NRXN3: variants seen among roughly 807,000 people sequenced by gnomAD.
NRXN3 encodes the protein neurexin 3, also known as neurexin III.
Under a neutral mutation model 137.6 loss-of-function variants are expected in NRXN3, and 32 were observed. The ratio of observed to expected loss-of-function variants is 0.23; its 90% confidence interval spans 0.18 to 0.31. The LOEUF is 0.31. Ranked by LOEUF, NRXN3 falls within the 10% of genes least tolerant of loss-of-function variation. NRXN3 has a pLI of 1.00. For missense variants in NRXN3, 1,574 were observed against 2,062.5 expected (o/e 0.76, Z 4.59); for synonymous variants, 798 against 784.5 (o/e 1.02, Z -0.29).
At chr14:78,522,266 C>G (rs1247262908) in intron 4 of NRXN3, among the ~76,000 whole-genome samples, 1 of 152,100 alleles carries the variant, frequency 6.6e-6, no homozygotes, top group African/African-American at 2.4e-5. Context: ...GATGAGAAAA[C>G]TGAAAATCAA....
chr14:78,992,114 G>A (rs2099520167), intron 15 of NRXN3, among the ~76,000 whole-genome samples: 1 of 152,176 alleles, frequency 6.6e-6, no homozygotes, highest in Admixed American at 6.5e-5. Context: ...GTCTTACATA[G>A]TTTTAGATAT....
chr14:79,043,300 T>C (rs774076775), intron 15 of NRXN3, among the ~76,000 whole-genome samples: 2 of 152,170 alleles, frequency 1.3e-5, no homozygotes, highest in African/African-American at 2.4e-5. Flanking sequence ...CAAAAGTCTG[T>C]TTTAGATACT....
chr14:78,793,481 A>G (rs921655603), intron 8 of NRXN3, among the ~76,000 whole-genome samples: 2 of 152,152 alleles, frequency 1.3e-5, no homozygotes, highest in Admixed American at 6.5e-5. Context: ...TTACAGCAAA[A>G]GTTACAGAGT....
chr14:78,801,881 A>G (rs563233350), intron 8 of NRXN3, among the ~76,000 whole-genome samples: 1 of 152,170 alleles, frequency 6.6e-6, no homozygotes, highest in East Asian at 1.9e-4. Context: ...TCTGAATGTT[A>G]CTTGCTTTGT....
intron 15 of NRXN3, among the ~76,000 whole-genome samples, chr14:79,430,309 A>G (rs1013327724): frequency 6.6e-6 from 1 of 152,190 alleles, no homozygotes; most frequent in South Asian, 2.1e-4. Context: ...TCTGGAGTCT[A>G]TATCAGGTAC....
chr14:79,430,938 C>A (rs906165435), intron 15 of NRXN3, among the ~76,000 whole-genome samples: 3 of 152,106 alleles, frequency 2.0e-5, no homozygotes, highest in African/African-American at 7.2e-5. Context: ...CTTACAAACA[C>A]ATATTACCTT....
At chr14:79,498,345 T>C (rs566027861) in intron 16 of NRXN3, among the ~76,000 whole-genome samples, 1 of 152,256 alleles carries the variant, frequency 6.6e-6, no homozygotes, top group Non-Finnish European at 1.5e-5. Flanking sequence ...TATGAAATGA[T>C]CATTTCTTTC....
intron 15 of NRXN3, among the ~76,000 whole-genome samples, chr14:79,388,472 G>T (rs2153466561): frequency 6.6e-6 from 1 of 152,046 alleles, no homozygotes; most frequent in East Asian, 1.9e-4. Flanking sequence ...AGGCCCTTAT[G>T]GGACTCCTTC....
intron 15 of NRXN3, among the ~76,000 whole-genome samples, chr14:79,169,541 G>A (rs935140876): frequency 6.6e-6 from 1 of 151,732 alleles, no homozygotes; most frequent in Non-Finnish European, 1.5e-5. Context: ...ACTTACCTTT[G>A]TCACTTTCGT....
chr14:78,573,478 G>A (rs1273858340), intron 4 of NRXN3, among the ~76,000 whole-genome samples: 2 of 152,196 alleles, frequency 1.3e-5, no homozygotes, highest in Non-Finnish European at 2.9e-5. Flanking sequence ...TGGGGATGAG[G>A]AACTTGGTGG....
At chr14:78,296,819 C>CT (rs925057182) in intron 3 of NRXN3, among the ~76,000 whole-genome samples, 9 of 151,596 alleles carry the variant, frequency 5.9e-5, no homozygotes, top group South Asian at 4.2e-4. Flanking sequence ...GATTTCCATA[C>CT]TTTTTTTTTC....
intron 15 of NRXN3, among the ~76,000 whole-genome samples, chr14:79,330,300 T>C (rs1051194593): frequency 1.3e-5 from 2 of 152,120 alleles, no homozygotes; most frequent in Admixed American, 1.3e-4. Context: ...AAATATTTGA[T>C]TCCAGAGGAA....
intron 10 of NRXN3, among the ~76,000 whole-genome samples, chr14:78,930,527 A>G (rs1345062180): frequency 6.6e-6 from 1 of 152,248 alleles, no homozygotes; most frequent in African/African-American, 2.4e-5. Context: ...TAGGCATGTA[A>G]ACAGATGAAT....
intron 15 of NRXN3, among the ~76,000 whole-genome samples, chr14:79,455,459 A>T (rs2153594553): frequency 6.6e-6 from 1 of 152,290 alleles, no homozygotes; most frequent in East Asian, 1.9e-4. Flanking sequence ...TCTTATCTTA[A>T]AAGTTATGTT....
intron 15 of NRXN3, among the ~76,000 whole-genome samples, chr14:78,994,531 C>T (rs2153088182): frequency 6.6e-6 from 1 of 152,298 alleles, no homozygotes; most frequent in Middle Eastern, 3.4e-3. Flanking sequence ...GGATTTATTT[C>T]ATTGAGTCGT....
intron 16 of NRXN3, among the ~76,000 whole-genome samples, chr14:79,638,695 A>G (rs906204759): frequency 2.6e-5 from 4 of 152,218 alleles, no homozygotes; most frequent in Admixed American, 6.5e-5. Flanking sequence ...CCACATATCA[A>G]TGACTCTTAA....
intron 4 of NRXN3, among the ~76,000 whole-genome samples, chr14:78,415,954 T>A (rs1469372401): frequency 6.6e-6 from 1 of 152,032 alleles, no homozygotes; most frequent in Non-Finnish European, 1.5e-5. Context: ...TGGTCTAATC[T>A]CCATCTGCTG....
intron 15 of NRXN3, among the ~76,000 whole-genome samples, chr14:79,350,017 T>G (rs533477234): frequency 1.1e-4 from 16 of 152,346 alleles, no homozygotes; most frequent in Non-Finnish European, 2.2e-4. Context: ...ACTAGCAAAC[T>G]AATACAGCCC....
intron 1 of NRXN3, among the ~76,000 whole-genome samples, chr14:78,232,201 G>T (rs1216960717): frequency 6.6e-6 from 1 of 152,236 alleles, no homozygotes; most frequent in Non-Finnish European, 1.5e-5. Context: ...GTCTGGTCTG[G>T]GTTCACACAG....
Sources: gnomAD v4.1 joint callset for allele counts (sites outside exome capture counted in the v4.1 genomes callset) on GRCh38, gnomAD v4.1.1 for gene constraint, MANE v1.5 for transcripts, NCBI Gene and HGNC (gene_info 2026-07-23, HGNC 2026-07-21) for gene names.